Variants in TMEM178B observed in about 807,000 individuals in gnomAD.
TMEM178B encodes transmembrane protein 178B.
TMEM178B carries 5 observed loss-of-function variants against 31.0 expected under a neutral mutation model. That is an observed-to-expected ratio of 0.16 (90% CI 0.08 to 0.34). The LOEUF is 0.34. TMEM178B is among the 10% of genes least tolerant of loss of function. The pLI is 1.00. For missense variants in TMEM178B, 275 were observed against 400.3 expected (o/e 0.69, Z 2.67); for synonymous variants, 164 against 164.0 (o/e 1.00, Z 0.00).
At chr7:141,493,859 AG>A in the TMEM178B span, among the ~76,000 whole-genome samples, 1 of 152,198 alleles carries the variant, frequency 6.6e-6, no homozygotes, top group African/African-American at 2.4e-5. Context: ...CAAATTCAGT[AG>A]GGAAAATACT....
At chr7:141,270,852 A>G (rs749973208) in intron 2 of TMEM178B, among the ~76,000 whole-genome samples, 7 of 152,174 alleles carry the variant, frequency 4.6e-5, no homozygotes, top group Non-Finnish European at 8.8e-5. Flanking sequence ...CCAGGTGTGT[A>G]AGAATGTTTC....
intron 1 of TMEM178B, among the ~76,000 whole-genome samples, chr7:141,091,067 A>G (rs182416774): frequency 2.0e-5 from 3 of 152,342 alleles, no homozygotes; most frequent in Admixed American, 2.0e-4. Flanking sequence ...AATGATTCAT[A>G]TCAAGGAAAT....
chr7:141,162,865 C>T (rs1306190944), intron 1 of TMEM178B, among the ~76,000 whole-genome samples: 1 of 152,220 alleles, frequency 6.6e-6, no homozygotes, highest in Non-Finnish European at 1.5e-5. Context: ...CATGTGGTGC[C>T]AAGCGTGCAT....
intron 2 of TMEM178B, among the ~76,000 whole-genome samples, chr7:141,213,664 A>G (rs1319839547): frequency 6.6e-6 from 1 of 152,216 alleles, no homozygotes; most frequent in African/African-American, 2.4e-5. Flanking sequence ...TCTTCTCCTT[A>G]TAGGTGCTTA....
At chr7:141,223,007 C>CA (rs1165403176) in intron 2 of TMEM178B, among the ~76,000 whole-genome samples, 1 of 152,156 alleles carries the variant, frequency 6.6e-6, no homozygotes, top group Non-Finnish European at 1.5e-5. Flanking sequence ...TAAAAAGTAA[C>CA]ATTTCAGAGC....
At chr7:141,182,496 C>T (rs954305923) in intron 1 of TMEM178B, among the ~76,000 whole-genome samples, 2 of 152,138 alleles carry the variant, frequency 1.3e-5, no homozygotes, top group African/African-American at 4.8e-5. Context: ...GTTAAAGCCT[C>T]AAACAGTCCA....
intron 1 of TMEM178B, among the ~76,000 whole-genome samples, chr7:141,200,441 G>A (rs1348398495): frequency 1.3e-5 from 2 of 152,124 alleles, no homozygotes; most frequent in African/African-American, 2.4e-5. Context: ...ATGGCTTGAA[G>A]GAGCTGTGGA....
At chr7:141,501,853 T>G in the TMEM178B span, among the ~76,000 whole-genome samples, 1 of 151,748 alleles carries the variant, frequency 6.6e-6, no homozygotes, top group Admixed American at 6.6e-5. Flanking sequence ...TCATGCTCTC[T>G]CTCTCTCTCT....
At chr7:141,184,193 G>C (rs993994570) in intron 1 of TMEM178B, among the ~76,000 whole-genome samples, 1 of 152,170 alleles carries the variant, frequency 6.6e-6, no homozygotes, top group Admixed American at 6.5e-5. Flanking sequence ...CATTCTGGAG[G>C]CCATATTTCT....
rs143872502 is a variant in TMEM178B, at chr7:141,267,271, A to C, written c.496+54567A>C. Among the ~76,000 whole-genome samples the C allele has an allele frequency of 7.1e-4, 108 of 152,352 alleles. 1 individual carries two copies. Among genetic ancestry groups the C allele is most frequent in the African/African-American group, 2.5e-3 (105 of 41,594 alleles). On this transcript the variant is annotated intron_variant, in intron 2 of 3. Coordinates refer to ENST00000565468, the MANE Select transcript of TMEM178B (RefSeq NM_001195278.2). The stretch of plus-strand genomic sequence containing the variant: ...ATGGGTTTTCCTGTCTATCCTGACA[A>C]GGCCTTAAATAATTGTTAAATTCGT...
At chr7:141,378,720 G>A (rs1414478133) in intron 2 of TMEM178B, among the ~76,000 whole-genome samples, 1 of 152,222 alleles carries the variant, frequency 6.6e-6, no homozygotes, top group East Asian at 1.9e-4. Context: ...TTATTCAAGA[G>A]GTAGTCCTCC....
intron 1 of TMEM178B, among the ~76,000 whole-genome samples, chr7:141,118,463 G>A (rs1490467574): frequency 6.6e-6 from 1 of 152,194 alleles, no homozygotes; most frequent in African/African-American, 2.4e-5. Flanking sequence ...TAGTTTGCAG[G>A]ATGAAATGAG....
At chr7:141,232,041 A>T (rs899508079) in intron 2 of TMEM178B, among the ~76,000 whole-genome samples, 1 of 152,092 alleles carries the variant, frequency 6.6e-6, no homozygotes, top group African/African-American at 2.4e-5. Flanking sequence ...GCTCCCACTT[A>T]TAAGTGAGAA....
intron 2 of TMEM178B, among the ~76,000 whole-genome samples, chr7:141,297,436 A>C (rs909827167): frequency 2.6e-5 from 4 of 152,026 alleles, no homozygotes; most frequent in Admixed American, 1.3e-4. Flanking sequence ...ATACATGTGC[A>C]ATGTTGGTGT....
chr7:141,196,578 T>C (rs1313277584), intron 1 of TMEM178B, among the ~76,000 whole-genome samples: 1 of 152,224 alleles, frequency 6.6e-6, no homozygotes, highest in Middle Eastern at 3.2e-3. Flanking sequence ...TGGCTTGGAC[T>C]CATCAGGTTA....
chr7:141,488,910 G>T, the TMEM178B span, among the ~76,000 whole-genome samples: 1 of 151,620 alleles, frequency 6.6e-6, no homozygotes. Flanking sequence ...TTTTTCCCCC[G>T]TTGGAGAAAA....
rs1219338018 is a variant in TMEM178B, at chr7:141,422,782, A to T, written c.497-14826A>T. On this transcript the variant is annotated intron_variant, in intron 2 of 3. Transcript: ENST00000565468. This position sits in a 1 kb window ranked among gnomAD's most constrained non-coding sequence, Gnocchi z 4.2. ...GAAGCTCCCATGGGGAGAGAATAGA[A>T]ATGCAAGAAACTGTCACTCACCAAC... Among the ~76,000 whole-genome samples the T allele has an allele frequency of 3.3e-5, 5 of 152,086 alleles. No individual in the cohort carries two copies. Among genetic ancestry groups the T allele is most frequent in the Non-Finnish European group, 7.4e-5 (5 of 68,016 alleles).
At chr7:141,099,916 G>A (rs756554682) in intron 1 of TMEM178B, among the ~76,000 whole-genome samples, 1 of 148,848 alleles carries the variant, frequency 6.7e-6, no homozygotes, top group Non-Finnish European at 1.5e-5. Flanking sequence ...TGCAAGCTCC[G>A]CATCCCGGGT....
intron 1 of TMEM178B, among the ~76,000 whole-genome samples, chr7:141,187,374 C>A (rs1325395648): frequency 6.6e-6 from 1 of 152,066 alleles, no homozygotes; most frequent in Non-Finnish European, 1.5e-5. Flanking sequence ...CAAGTCTTTG[C>A]TATTATGAAT....
Sources: gnomAD v4.1 joint callset for allele counts (sites outside exome capture counted in the v4.1 genomes callset) on GRCh38, gnomAD v4.1.1 for gene constraint, Gnocchi (gnomAD v3.1) non-coding constraint, MANE v1.5 for transcripts, NCBI Gene and HGNC (gene_info 2026-07-23, HGNC 2026-07-21) for gene names.